The following TEC variants were observed in gnomAD, a reference collection of about 807,000 sequenced individuals.
TEC encodes tec protein tyrosine kinase.
In TEC, 72 loss-of-function variants were observed where a neutral mutation model predicts 93.0. The observed-to-expected ratio is 0.77, with a 90% CI of 0.64 to 0.94. The LOEUF (loss-of-function observed/expected upper bound fraction) is 0.94. Among genes scored for constraint, TEC ranks in the 40% least tolerant of loss-of-function variants. The pLI is 0.00. For synonymous variants in TEC, 249 were observed against 247.7 expected (o/e 1.01, Z -0.05); for missense variants, 630 against 757.9 (o/e 0.83, Z 1.98).
chr4:48,162,911 G>A (rs1010008109), intron 8 of TEC, among the ~76,000 whole-genome samples: 1 of 152,198 alleles, frequency 6.6e-6, no homozygotes, highest in African/African-American at 2.4e-5. Flanking sequence ...TATCTGGAAA[G>A]CAATTTGACA....
chr4:48,158,433 T>G (rs1720486525), intron 8 of TEC, among the ~76,000 whole-genome samples: 1 of 152,206 alleles, frequency 6.6e-6, no homozygotes, highest in South Asian at 2.1e-4. Context: ...AATACATTTC[T>G]GAATGCAATT....
chr4:48,255,101 A>G (rs1262049318), intron 1 of TEC, among the ~76,000 whole-genome samples: 1 of 152,236 alleles, frequency 6.6e-6, no homozygotes, highest in African/African-American at 2.4e-5. Context: ...AAACAACAAC[A>G]AAAGGAACAC....
Position 48,205,331 on chromosome 4 carries a change from T to C in TEC, c.138+23146A>G, listed in dbSNP as rs1311092155. 2.6e-5 allele frequency among the ~76,000 whole-genome samples: 4 copies of C among 152,170 alleles called. No homozygotes were observed. In the South Asian group the frequency reaches 6.2e-4, roughly 24 times the overall value. ...GCTGGAGTCAGCTCATGACAGCTCA[T>C]GAGAGCCCACTGTGCATGCCGTTCC... is the stretch of plus-strand genomic sequence containing the variant. On this transcript the variant is annotated intron_variant, in intron 2 of 17. Transcript: ENST00000381501.
intron 1 of TEC, among the ~76,000 whole-genome samples, chr4:48,232,358 C>T (rs1723673618): frequency 6.6e-6 from 1 of 151,936 alleles, no homozygotes; most frequent in Non-Finnish European, 1.5e-5. Context: ...TACTCTTATA[C>T]AGAATCACAC....
chr4:48,184,786 C>A, intron 2 of TEC, among the ~76,000 whole-genome samples: 1 of 151,618 alleles, frequency 6.6e-6, no homozygotes, highest in Non-Finnish European at 1.5e-5. Context: ...CACACACACA[C>A]ACACACACAC....
At chr4:48,145,934 G>A (rs1390014042) in intron 12 of TEC, among the ~76,000 whole-genome samples, 1 of 151,714 alleles carries the variant, frequency 6.6e-6, no homozygotes, top group Non-Finnish European at 1.5e-5. Context: ...ATTCCATCAA[G>A]TTGGAAATAA....
chr4:48,186,005 G>A (rs979997133), intron 2 of TEC, among the ~76,000 whole-genome samples: 1 of 152,186 alleles, frequency 6.6e-6, no homozygotes, highest in African/African-American at 2.4e-5. Context: ...TTGCAGGCGC[G>A]CGCCGCCACA....
At chr4:48,199,455 CTTTTTTTTTT>C (rs34965891) in intron 2 of TEC, among the ~76,000 whole-genome samples, 12 of 67,360 alleles carry the variant, frequency 1.8e-4, no homozygotes, top group Middle Eastern at 0.017. Context: ...GATTTTCTTT[CTTTTTTTTTT>C]TTTTTTTTTT....
At chr4:48,187,434 TAA>T (rs59244907) in intron 2 of TEC, among the ~76,000 whole-genome samples, 238 of 134,178 alleles carry the variant, frequency 1.8e-3, no homozygotes, top group Admixed American at 2.6e-3. Context: ...CAATAAATAC[TAA>T]AAAAAAAAAA....
chr4:48,159,359 G>C (rs973304693), intron 8 of TEC, among the ~76,000 whole-genome samples: 1 of 152,138 alleles, frequency 6.6e-6, no homozygotes, highest in African/African-American at 2.4e-5. Flanking sequence ...TGGCAAGACA[G>C]AGAAAGCAAG....
At chr4:48,232,373 T>G (rs1487047117) in intron 1 of TEC, among the ~76,000 whole-genome samples, 1 of 152,196 alleles carries the variant, frequency 6.6e-6, no homozygotes, top group Non-Finnish European at 1.5e-5. Flanking sequence ...TCACACCATT[T>G]AAGTTGAAAG....
chr4:48,262,201 C>CTTTCTTTTTTTTTTTTT (rs1724513283), intron 1 of TEC, among the ~76,000 whole-genome samples: 1 of 80,208 alleles, frequency 1.2e-5, no homozygotes, highest in Non-Finnish European at 2.4e-5. Context: ...CCAAATGTCT[C>CTTTCTTTTTTTTTTTTT]TTTTTTTTTT....
At chr4:48,254,466 C>T (rs1724288869) in intron 1 of TEC, among the ~76,000 whole-genome samples, 1 of 152,138 alleles carries the variant, frequency 6.6e-6, no homozygotes, top group Non-Finnish European at 1.5e-5. Context: ...TGGAACAATG[C>T]TCTCAAAGGG....
chr4:48,168,016 A>G, intron 6 of TEC, 63 bp from the exon 7 acceptor site: 1 of 1,463,102 alleles, frequency 6.8e-7, no homozygotes, highest in Non-Finnish European at 9.5e-7. Flanking sequence ...ATGAATCAAA[A>G]CACTAAATGA....
intron 8 of TEC, among the ~76,000 whole-genome samples, chr4:48,162,317 GA>G (rs912857940): frequency 9.2e-5 from 14 of 152,182 alleles, no homozygotes; most frequent in Admixed American, 7.2e-4. Context: ...AAATTTCTTG[GA>G]AGAGAGAAAA....
intron 2 of TEC, among the ~76,000 whole-genome samples, chr4:48,191,340 C>T (rs1440632582): frequency 6.6e-6 from 1 of 152,130 alleles, no homozygotes; most frequent in East Asian, 1.9e-4. Context: ...ACAGCCTTAA[C>T]TTTTAATATT....
At chr4:48,255,326 T>G (rs1370492276) in intron 1 of TEC, among the ~76,000 whole-genome samples, 1 of 152,050 alleles carries the variant, frequency 6.6e-6, no homozygotes, top group African/African-American at 2.4e-5. Flanking sequence ...CCCCCTTTCC[T>G]AAATGCCAGC....
At chr4:48,148,894 A>C (rs944670645) in intron 11 of TEC, among the ~76,000 whole-genome samples, 1 of 151,716 alleles carries the variant, frequency 6.6e-6, no homozygotes, top group Admixed American at 6.6e-5. Context: ...CCTATTATTT[A>C]GCTTCCACTT....
At chr4:48,218,598 G>C (rs1200748106) in intron 2 of TEC, among the ~76,000 whole-genome samples, 4 of 152,202 alleles carry the variant, frequency 2.6e-5, no homozygotes, top group Non-Finnish European at 5.9e-5. Context: ...TTCAGGTAAA[G>C]ATTAGAAGGA....
Sources: gnomAD v4.1 joint callset for allele counts (sites outside exome capture counted in the v4.1 genomes callset) on GRCh38, gnomAD v4.1.1 for gene constraint, MANE v1.5 for transcripts, NCBI Gene and HGNC (gene_info 2026-07-23, HGNC 2026-07-21) for gene names.